Variants in ZNF391 observed in about 807,000 individuals in gnomAD.
ZNF391 encodes the protein zinc finger protein 391.
For missense variants in ZNF391, 375 were observed against 425.5 expected (o/e 0.88, Z 1.04); for synonymous variants, 126 against 142.1 (o/e 0.89, Z 0.80).
intron 1 of ZNF391, among the ~76,000 whole-genome samples, chr6:27,397,780 C>A (rs1157272812): frequency 2.0e-5 from 3 of 152,130 alleles, no homozygotes; most frequent in Non-Finnish European, 4.4e-5. Context: ...CAGGCATGCA[C>A]CACCATGCCC....
At chr6:27,377,604 G>T (rs6456775) in intron 1 of ZNF391, among the ~76,000 whole-genome samples, 108,555 of 152,130 alleles carry the variant, frequency 0.71, 38,912 homozygotes, top group Middle Eastern at 0.8. Context: ...GCTTCAAGTT[G>T]TCCTACCTTT....
upstream of ZNF391, among the ~76,000 whole-genome samples, chr6:27,388,352 G>T (rs1026387850): frequency 2.6e-5 from 4 of 152,010 alleles, no homozygotes; most frequent in African/African-American, 9.7e-5. Flanking sequence ...ACTAGATTGT[G>T]CAACGGAGCC....
At chr6:27,382,028 C>A (rs1761517312) in intron 1 of ZNF391, among the ~76,000 whole-genome samples, 1 of 87,084 alleles carries the variant, frequency 1.1e-5, no homozygotes, top group Non-Finnish European at 2.3e-5. Context: ...GAGCAAGACT[C>A]CATCTCAAAA....
chr6:27,398,635 G>A (rs944804277), intron 1 of ZNF391, among the ~76,000 whole-genome samples: 1 of 152,138 alleles, frequency 6.6e-6, no homozygotes, highest in Admixed American at 6.5e-5. Context: ...GGGGCGGGTG[G>A]ATCACGAGGT....
At position 27,401,664 on chromosome 6, in the gene ZNF391, C is replaced by A. The variant is rs1761973958; in HGVS notation, c.*217C>A. On this transcript the variant is annotated 3_prime_UTR_variant, in exon 3 of 3. Coordinates refer to ENST00000244576, the MANE Select transcript of ZNF391 (RefSeq NM_001076781.3). ...TCCCTCCTTCCTACTTTTTCTCCCT[C>A]TCCCTGTTCTTTCTTTCTCTTTTCT... The A allele has an allele frequency of 4.8e-6, 2 of 414,764 alleles. No individual in the cohort carries two copies. Among genetic ancestry groups the A allele is most frequent in the African/African-American group, 2.0e-5 (1 of 49,656 alleles). The allele number at this position is 414,764 out of a possible 1,614,324, so 25.7% of individuals were successfully genotyped here.
intron 1 of ZNF391, among the ~76,000 whole-genome samples, chr6:27,383,034 C>T (rs564504870): frequency 2.6e-4 from 40 of 151,930 alleles, no homozygotes; most frequent in Non-Finnish European, 5.2e-4. Context: ...GCAGGAGAAG[C>T]GCTTGAACAC....
intron 1 of ZNF391, among the ~76,000 whole-genome samples, chr6:27,391,999 A>G (rs757747747): frequency 4.6e-5 from 7 of 152,170 alleles, no homozygotes; most frequent in Non-Finnish European, 7.3e-5. Flanking sequence ...ATGTGCCTCA[A>G]AGTTTGGGAT....
upstream of ZNF391, among the ~76,000 whole-genome samples, chr6:27,384,911 A>C (rs1761563996): frequency 6.6e-6 from 1 of 151,826 alleles, no homozygotes; most frequent in East Asian, 1.9e-4. Flanking sequence ...TCAGCTACTT[A>C]GGAGGCTGAG....
chr6:27,395,313 C>T (rs1761800872), intron 1 of ZNF391, among the ~76,000 whole-genome samples: 1 of 151,982 alleles, frequency 6.6e-6, no homozygotes, highest in Non-Finnish European at 1.5e-5. Flanking sequence ...TGGTGCTGTC[C>T]TTGCAATAAT....
rs1200514102 is a variant in ZNF391, at chr6:27,388,949, T to G, written c.-314T>G. The G allele has an allele frequency of 4.4e-6, 2 of 456,428 alleles. No homozygotes were observed. Among genetic ancestry groups the G allele is most frequent in the East Asian group, 1.4e-4 (2 of 14,388 alleles). The allele number at this position is 456,428 out of a possible 1,614,324, so 28.3% of individuals were successfully genotyped here. A position where few individuals can be genotyped will look rare whatever the true frequency, so the allele number is the denominator to read the frequency against. On this transcript the variant is annotated 5_prime_UTR_variant, in exon 1 of 3. Transcript: ENST00000244576. ...GTTCGACGCATGGGTTTCTCTTTAA[T>G]CCTTCCGACTTCCCCAAGCCCAGCG...
At chr6:27,391,807 A>G (rs1033621560) in intron 1 of ZNF391, among the ~76,000 whole-genome samples, 4 of 152,196 alleles carry the variant, frequency 2.6e-5, no homozygotes, top group Non-Finnish European at 4.4e-5. Flanking sequence ...ACTGTCCTTA[A>G]TATCTTCAAC....
chr6:27,400,574 C>A lies in ZNF391; in HGVS notation c.204C>A (p.Ser68Arg). The change falls in exon 3 of 3, where the codon AGC becomes AGA. Residue 68 changes from serine (S) to arginine (R), a missense_variant. By Grantham distance (110) the Ser-to-Arg change is moderately radical. Transcript: ENST00000244576. The stretch of plus-strand genomic sequence containing the variant: ...CTGAATCCAGTGAATTTAGTCTAAG[C>A]CCAAACCTTGACGCACAACAGAAAA... ...EGPESSEFSL[S>R]PNLDAQQKIP... The A allele has an allele frequency of 1.9e-6, 3 of 1,614,156 alleles. No homozygotes were observed. The highest frequency in any genetic ancestry group is 1.7e-5 in the Admixed American group (1 of 60,018).
intron 1 of ZNF391, among the ~76,000 whole-genome samples, chr6:27,396,888 G>C (rs1352861355): frequency 6.6e-6 from 1 of 152,098 alleles, no homozygotes; most frequent in African/African-American, 2.4e-5. Flanking sequence ...ACAGTTCTTT[G>C]TTCTGCAGGA....
Position 27,376,561 on chromosome 6 carries a change from A to T in ZNF391, n.523+1424A>T, listed in dbSNP as rs1761421424. On this transcript the variant is annotated intron_variant and non_coding_transcript_variant, in intron 1 of 2. Transcript: ENST00000477999. This position sits in a 1 kb window ranked among gnomAD's most constrained non-coding sequence, Gnocchi z 4.7. ...TGCCTGATCTTGTATACATCTCTGT[A>T]TTGCAAATGACAACATCTCTGGGAT... 6.6e-6 allele frequency among the ~76,000 whole-genome samples: 1 copy of T among 152,138 alleles called. No homozygotes were observed.
At chr6:27,391,111 A>G (rs926436455) in intron 1 of ZNF391, 1 of 152,128 alleles carries the variant, frequency 6.6e-6, no homozygotes, top group Non-Finnish European at 1.5e-5. Flanking sequence ...TTTTATCATA[A>G]AAGATGAACT....
At position 27,401,706 on chromosome 6, in the gene ZNF391, AAAAC is replaced by A. The variant is rs1761975523; in HGVS notation, c.*263_*266del. The A allele has an allele frequency of 1.3e-5, 4 of 319,430 alleles. No individual in the cohort carries two copies. The highest frequency in any genetic ancestry group is 2.3e-5 in the Non-Finnish European group (4 of 174,828). 19.8% of individuals were successfully genotyped at this position (319,430 alleles called of 1,614,324 possible). ...CTCTTTTCTCAAATAAGTTCACAAT[AAAAC>A]AAAGGGATGACTCAAAAAACATAAC... On this transcript the variant is annotated 3_prime_UTR_variant, in exon 3 of 3. Coordinates refer to ENST00000244576, the MANE Select transcript of ZNF391 (RefSeq NM_001076781.3).
intron 1 of ZNF391, among the ~76,000 whole-genome samples, chr6:27,378,065 T>C (rs1233089093): frequency 6.6e-6 from 1 of 152,236 alleles, no homozygotes; most frequent in Non-Finnish European, 1.5e-5. Flanking sequence ...TATTGCATAA[T>C]CTGAAGAAGA....
chr6:27,400,861 C>T lies in ZNF391; in HGVS notation c.491C>T (p.Pro164Leu), dbSNP rs758261205. ...CAAAGAACTCACACTGGAGAGAAAC[C>T]TTATGAATGCAATGAATGTGGAAAA... is the stretch of plus-strand genomic sequence containing the variant. The part of the protein sequence containing the change: ...EHQRTHTGEK[P>L]YECNECGKAF... The change falls in exon 3 of 3, where the codon CCT becomes CTT. Residue 164 changes from proline to leucine, a missense_variant. By Grantham distance (98) the Pro-to-Leu change is moderately conservative (BLOSUM62 -3). Coordinates refer to ENST00000244576, the MANE Select transcript of ZNF391 (RefSeq NM_001076781.3). 61 of 1,614,050 alleles carry T rather than the reference C, an allele frequency of 3.8e-5. No homozygotes were observed. The highest frequency in any genetic ancestry group is 4.8e-5 in the Non-Finnish European group (57 of 1,180,024).
In ZNF391 at chr6:27,401,290, G is replaced by T; in HGVS notation, c.920G>T (p.Cys307Phe). The stretch of plus-strand genomic sequence containing the variant: ...CACAGTGGAGAAAAGCCTCACGAGT[G>T]TAGAGTGTGTGGAAAGGGCTTCAGT... Reference protein sequence around the residue: ...RIHSGEKPHECRVCGKGFSRS... With the variant: ...RIHSGEKPHEFRVCGKGFSRS... The change falls in exon 3 of 3, where the codon TGT (cysteine) becomes TTT (phenylalanine). Residue 307 changes from cysteine to phenylalanine, a missense_variant. By Grantham distance (205) the Cys-to-Phe change is radical. Coordinates refer to ENST00000244576, the MANE Select transcript of ZNF391 (RefSeq NM_001076781.3). 6.2e-7 allele frequency: 1 copy of T among 1,614,172 alleles called. No individual in the cohort carries two copies. Among genetic ancestry groups the T allele is most frequent in the Non-Finnish European group, 8.5e-7 (1 of 1,180,024 alleles).
Sources: gnomAD v4.1 joint callset for allele counts (sites outside exome capture counted in the v4.1 genomes callset) on GRCh38, gnomAD v4.1.1 for gene constraint, Gnocchi (gnomAD v3.1) non-coding constraint, MANE v1.5 for transcripts, NCBI Gene and HGNC (gene_info 2026-07-23, HGNC 2026-07-21) for gene names.